Variants in DNAJC1 observed in about 807,000 individuals in gnomAD.
DNAJC1 encodes dnaJ homolog subfamily C member 1.
A neutral mutation model predicts 76.6 loss-of-function variants in DNAJC1; 58 were observed. The ratio of observed to expected loss-of-function variants is 0.76; its 90% CI spans 0.61 to 0.94. The LOEUF (loss-of-function observed/expected upper bound fraction) is 0.94, where lower values mean the gene tolerates loss of function less well. Ranked by LOEUF, DNAJC1 falls within the 40% of genes least tolerant of loss-of-function variation. DNAJC1 has a pLI of 0.00. For missense variants in DNAJC1, 689 were observed against 677.3 expected, an observed-to-expected ratio of 1.02 and a Z score of -0.19; for synonymous variants, 258 against 267.9, an observed-to-expected ratio of 0.96 and a Z score of 0.36.
At chr10:21,999,451 C>CTTTTTCT (rs1838478317) in intron 1 of DNAJC1, among the ~76,000 whole-genome samples, 1 of 94,032 alleles carries the variant, frequency 1.1e-5, no homozygotes, top group African/African-American at 4.3e-5. Flanking sequence ...CTTCTTGACT[C>CTTTTTCT]TTTTTTTTTT....
intron 9 of DNAJC1, among the ~76,000 whole-genome samples, chr10:21,796,889 C>T (rs184971131): frequency 7.6e-4 from 116 of 152,264 alleles, no homozygotes; most frequent in Non-Finnish European, 1.5e-3. Context: ...TCTCCCAGTG[C>T]ATGGTTTGTC....
intron 8 of DNAJC1, 108 bp downstream of exon 8, chr10:21,882,174 A>C: frequency 9.6e-7 from 1 of 1,046,138 alleles, no homozygotes. Flanking sequence ...AAACAATAGT[A>C]TTTGTGAAGT....
chr10:21,760,840 T>C (rs1214370897), intron 10 of DNAJC1, among the ~76,000 whole-genome samples: 1 of 152,196 alleles, frequency 6.6e-6, no homozygotes, highest in African/African-American at 2.4e-5. Flanking sequence ...GGTTCTCCTA[T>C]GGAAATAATT....
At chr10:21,853,828 G>C (rs1445380153) in intron 8 of DNAJC1, among the ~76,000 whole-genome samples, 1 of 150,270 alleles carries the variant, frequency 6.7e-6, no homozygotes. Context: ...ACTATCACTG[G>C]GGAAACTGCT....
Position 21,848,125 on chromosome 10 carries a change from T to C in DNAJC1, c.978+34157A>G, listed in dbSNP as rs78070067. The stretch of plus-strand genomic sequence containing the variant: ...TCTACATCCTTGCCAACACTTGTTG[T>C]TTTGTCTTTTTGATAACAGTCACTT... On this transcript the variant is annotated intron_variant, in intron 8 of 11. Coordinates refer to ENST00000376980, the MANE Select transcript of DNAJC1 (RefSeq NM_022365.4). Among the ~76,000 whole-genome samples, 93 of 152,318 alleles carry C rather than the reference T, an allele frequency of 6.1e-4. No individual in the cohort carries two copies. The East Asian group carries it at 0.017, about 27-fold the overall frequency.
intron 6 of DNAJC1, among the ~76,000 whole-genome samples, chr10:21,915,228 A>G (rs1403129824): frequency 6.6e-6 from 1 of 152,246 alleles, no homozygotes; most frequent in Non-Finnish European, 1.5e-5. Flanking sequence ...AGGCAACAGG[A>G]GTTTTCTTAG....
chr10:21,989,526 A>C (rs1838297751), intron 1 of DNAJC1, among the ~76,000 whole-genome samples: 1 of 152,114 alleles, frequency 6.6e-6, no homozygotes, highest in Non-Finnish European at 1.5e-5. Context: ...TGAGGACTGA[A>C]AGTACTCTAC....
In DNAJC1 at chr10:21,912,236, C is replaced by A. The variant is rs190653682; in HGVS notation, c.729+6543G>T. The stretch of plus-strand genomic sequence containing the variant: ...TTTTCATCTGCTTTCAGTTTCATTT[C>A]TACCATTAACTAGTTGTGTCACTTT... On this transcript the variant is annotated intron_variant, in intron 6 of 11. Coordinates refer to ENST00000376980, the MANE Select transcript of DNAJC1 (RefSeq NM_022365.4). Among the ~76,000 whole-genome samples, 332 of 151,672 alleles carry A rather than the reference C, an allele frequency of 2.2e-3. 3 individuals carry two copies. Among genetic ancestry groups the A allele is most frequent in the African/African-American group, 7.6e-3 (316 of 41,388 alleles).
intron 1 of DNAJC1, among the ~76,000 whole-genome samples, chr10:21,970,210 T>C (rs1033628251): frequency 2.2e-4 from 34 of 152,260 alleles, no homozygotes; most frequent in African/African-American, 7.9e-4. Context: ...AATTTTGTAC[T>C]ATCTAATAAA....
chr10:21,817,521 C>T (rs1459923601), intron 8 of DNAJC1, among the ~76,000 whole-genome samples: 1 of 151,832 alleles, frequency 6.6e-6, no homozygotes, highest in Non-Finnish European at 1.5e-5. Context: ...ACACTATCAT[C>T]AACTTTAAGA....
intron 9 of DNAJC1, among the ~76,000 whole-genome samples, chr10:21,792,327 A>T (rs1834699156): frequency 6.6e-6 from 1 of 152,216 alleles, no homozygotes; most frequent in Non-Finnish European, 1.5e-5. Flanking sequence ...AACTTTCAGA[A>T]ATTAGGGGAG....
intron 8 of DNAJC1, among the ~76,000 whole-genome samples, chr10:21,827,385 T>C (rs1046859887): frequency 1.3e-5 from 2 of 152,236 alleles, no homozygotes; most frequent in African/African-American, 2.4e-5. Context: ...AGTATTCCAC[T>C]GTGTCTTCAT....
intron 8 of DNAJC1, among the ~76,000 whole-genome samples, chr10:21,813,549 T>C (rs754841374): frequency 6.6e-6 from 1 of 151,816 alleles, no homozygotes; most frequent in African/African-American, 2.4e-5. Flanking sequence ...GCGCCCACCA[T>C]CACGCCCAGC....
rs1838193198 is a variant in DNAJC1 at position 21,983,698 on chromosome 10, G to A, written c.222+19515C>T. ...ATTGCACCACTACATTCCAGCCGGG[G>A]CAACAGAGCGAGATTCTGTCTCAAA... On this transcript the variant is annotated intron_variant, in intron 1 of 11. Coordinates refer to ENST00000376980, the MANE Select transcript of DNAJC1 (RefSeq NM_022365.4). Among the ~76,000 whole-genome samples the A allele has an allele frequency of 2.0e-5, 3 of 148,984 alleles. No homozygotes were observed. In the South Asian group the frequency reaches 6.6e-4, roughly 33 times the overall value.
chr10:21,984,333 G>C (rs188269675), intron 1 of DNAJC1, among the ~76,000 whole-genome samples: 1 of 152,202 alleles, frequency 6.6e-6, no homozygotes, highest in East Asian at 1.9e-4. Context: ...CAGTTCCAGG[G>C]GCAGTTATGG....
Position 21,856,294 on chromosome 10 carries a change from ATAAT to A in DNAJC1, c.978+25984_978+25987del, listed in dbSNP as rs764376145. On this transcript the variant is annotated intron_variant, in intron 8 of 11. Coordinates refer to ENST00000376980, the MANE Select transcript of DNAJC1 (RefSeq NM_022365.4). The stretch of plus-strand genomic sequence containing the variant: ...TCATTAAAAATTAAATTATGTAAAC[ATAAT>A]TAAATTATACAAAAAAGTAATAATG... Among the ~76,000 whole-genome samples, 13 of 152,322 alleles carry A rather than the reference ATAAT, an allele frequency of 8.5e-5. No individual in the cohort carries two copies. In the South Asian group the frequency reaches 1.9e-3, roughly 22 times the overall value.
At chr10:21,854,674 G>T (rs1396197024) in intron 8 of DNAJC1, among the ~76,000 whole-genome samples, 1 of 152,090 alleles carries the variant, frequency 6.6e-6, no homozygotes, top group Admixed American at 6.5e-5. Context: ...AGATTTCAAA[G>T]CAACATAGAT....
At chr10:21,808,717 A>C (rs1834920352) in intron 8 of DNAJC1, among the ~76,000 whole-genome samples, 1 of 152,206 alleles carries the variant, frequency 6.6e-6, no homozygotes, top group Admixed American at 6.5e-5. Context: ...TCCCTCTTCT[A>C]ATCTGGAGCC....
At chr10:21,962,649 C>CTTTTTT (rs775112321) in intron 1 of DNAJC1, among the ~76,000 whole-genome samples, 2 of 131,948 alleles carry the variant, frequency 1.5e-5, no homozygotes, top group African/African-American at 2.8e-5. Context: ...TTTTCTTTTT[C>CTTTTTT]TTTTTTTTTT....
Sources: allele counts gnomAD v4.1 joint callset (sites outside exome capture counted in the v4.1 genomes callset), GRCh38; gene constraint gnomAD v4.1.1; transcripts MANE v1.5; gene names NCBI Gene and HGNC (gene_info 2026-07-23, HGNC 2026-07-21).